Variants in RAB40B observed in about 807,000 individuals in gnomAD.
RAB40B encodes ras-related protein Rab-40B.
A neutral mutation model predicts 24.0 loss-of-function variants in RAB40B; 21 were observed. The ratio of observed to expected loss-of-function variants is 0.88; its 90% CI spans 0.62 to 1.26. RAB40B has a LOEUF of 1.26. RAB40B is among the 50% of genes most tolerant of loss of function. The probability of loss-of-function intolerance (pLI) is 0.00; values close to 1 mark genes in which losing one functional copy is unlikely to be tolerated. For missense variants in RAB40B, 348 were observed against 390.5 expected (o/e 0.89, Z 0.92); for synonymous variants, 167 against 169.8 (o/e 0.98, Z 0.13).
chr17:82,686,553 C>T (rs953338674), intron 1 of RAB40B, among the ~76,000 whole-genome samples: 6 of 152,302 alleles, frequency 3.9e-5, no homozygotes, highest in African/African-American at 1.4e-4. Context: ...TGACGACAGA[C>T]AGCAGGGACT....
At chr17:82,690,233 G>A (rs1284934013) in intron 1 of RAB40B, among the ~76,000 whole-genome samples, 10 of 151,826 alleles carry the variant, frequency 6.6e-5, no homozygotes, top group Admixed American at 5.9e-4. Flanking sequence ...GAGGGAGCAC[G>A]GAGTGTGCAC....
Position 82,664,398 on chromosome 17 carries a change from G to A in RAB40B, c.203+98C>T, listed in dbSNP as rs1360015733. On this transcript the variant is annotated intron_variant, in intron 2 of 5. Transcript: ENST00000571995. ...CGCTGTGCCGATGGTGGTGGGGGAT[G>A]GGTGCTCCCCGGGGCACTGTGCTGA... 14 of 1,199,328 alleles carry A rather than the reference G, an allele frequency of 1.2e-5. No individual in the cohort carries two copies. The South Asian group carries it at 1.8e-4, about 15-fold the overall frequency. The allele number at this position is 1,199,328 out of a possible 1,614,324, so 74.3% of individuals were successfully genotyped here.
chr17:82,691,514 C>T (rs893160401), intron 1 of RAB40B, among the ~76,000 whole-genome samples: 2 of 152,054 alleles, frequency 1.3e-5, no homozygotes, highest in African/African-American at 4.8e-5. Context: ...GGTGAAACCC[C>T]CATCTCTACT....
At chr17:82,679,208 G>T (rs568942430) in intron 1 of RAB40B, among the ~76,000 whole-genome samples, 1 of 151,548 alleles carries the variant, frequency 6.6e-6, no homozygotes, top group Non-Finnish European at 1.5e-5. Context: ...GGAGCAGCTC[G>T]CGCCCACCAG....
chr17:82,655,904 T>A lies in RAB40B; in HGVS notation c.*1959A>T, dbSNP rs1283476217. ...TCCTGTCTGGGCCTCGGTTCCACCA[T>A]CTCTGAATACAGGCTTTGCCCCTGA... On this transcript the variant is annotated 3_prime_UTR_variant, in exon 6 of 6. Coordinates refer to ENST00000571995, the MANE Select transcript of RAB40B (RefSeq NM_006822.3). 4 of 151,698 alleles carry A rather than the reference T, an allele frequency of 2.6e-5. No individual in the cohort carries two copies. The highest frequency in any genetic ancestry group is 5.9e-5 in the Non-Finnish European group (4 of 68,020). 9.4% of individuals were successfully genotyped at this position (151,698 alleles called of 1,614,324 possible). A position where few individuals can be genotyped will look rare whatever the true frequency, so the allele number is the denominator to read the frequency against.
chr17:82,680,561 A>G (rs1015801119), intron 1 of RAB40B, among the ~76,000 whole-genome samples: 7 of 152,204 alleles, frequency 4.6e-5, no homozygotes, highest in African/African-American at 1.7e-4. Context: ...GGTACTAAAT[A>G]TTTACCACTA....
rs550476184 is a variant in RAB40B at position 82,657,263 on chromosome 17, T to A, written c.*600A>T. 15 of 177,854 alleles carry A rather than the reference T, an allele frequency of 8.4e-5. No homozygotes were observed. The highest frequency in any genetic ancestry group is 1.3e-4 in the Non-Finnish European group (11 of 82,460). The allele number at this position is 177,854 out of a possible 1,614,324, so 11.0% of individuals were successfully genotyped here. On this transcript the variant is annotated 3_prime_UTR_variant, in exon 6 of 6. Coordinates refer to ENST00000571995, the MANE Select transcript of RAB40B (RefSeq NM_006822.3). ...TTGTAGAATATCTTGTACAAAAAAC[T>A]GTAGATTTACAGAAAAATATGCATA...
At chr17:82,670,534 A>AT (rs200923067) in intron 1 of RAB40B, among the ~76,000 whole-genome samples, 3,481 of 129,768 alleles carry the variant, frequency 0.027, 118 homozygotes, top group African/African-American at 0.082. Context: ...AGAATTCCTG[A>AT]TTTTTTTTTT....
chr17:82,683,065 T>TC (rs1379754312), intron 1 of RAB40B, among the ~76,000 whole-genome samples: 1 of 152,012 alleles, frequency 6.6e-6, no homozygotes, highest in Admixed American at 6.6e-5. Flanking sequence ...ATTGCTTGAA[T>TC]CCGGGAGATG....
At position 82,677,718 on chromosome 17, in the gene RAB40B, G is replaced by C. The variant is rs552705573; in HGVS notation, c.143-13162C>G. Among the ~76,000 whole-genome samples the C allele has an allele frequency of 2.8e-3, 430 of 152,332 alleles. 5 individuals are homozygous for C. Among genetic ancestry groups the C allele is most frequent in the South Asian group, 0.018 (88 of 4,822 alleles). ...GGCACAGGTGGCCTGGCCCTACACA[G>C]AGCCCGCATCCTCTTTGCGCAGGAC... On this transcript the variant is annotated intron_variant, in intron 1 of 5. Coordinates refer to ENST00000571995, the MANE Select transcript of RAB40B (RefSeq NM_006822.3).
intron 3 of RAB40B, among the ~76,000 whole-genome samples, chr17:82,660,634 CGCACAG>C (rs1294704883): frequency 6.6e-6 from 1 of 151,908 alleles, no homozygotes; most frequent in African/African-American, 2.4e-5. Flanking sequence ...CACACACACA[CGCACAG>C]GCACTCATGC....
chr17:82,670,873 A>G (rs551254672), intron 1 of RAB40B, among the ~76,000 whole-genome samples: 2 of 152,120 alleles, frequency 1.3e-5, no homozygotes, highest in Admixed American at 1.3e-4. Flanking sequence ...TTTCAAAACC[A>G]TCTTTCGTTT....
At position 82,697,680 on chromosome 17, in the gene RAB40B, G is replaced by A. The variant is rs1053987674; in HGVS notation, c.142+775C>T. On this transcript the variant is annotated intron_variant, in intron 1 of 5. Transcript: ENST00000571995. This position sits in a 1 kb window ranked among gnomAD's most constrained non-coding sequence, Gnocchi z 4.9. Reference sequence around the variant, plus strand: ...GCCTCTGCGCGTTCCCCCTTCTCCTGGGTTCCTGCCCCCGCCTTTCTTTCC... The same window carrying A: ...GCCTCTGCGCGTTCCCCCTTCTCCTAGGTTCCTGCCCCCGCCTTTCTTTCC... Among the ~76,000 whole-genome samples, 1 of 152,192 alleles carries A rather than the reference G, an allele frequency of 6.6e-6. No individual in the cohort carries two copies. Among genetic ancestry groups the A allele is most frequent in the Non-Finnish European group, 1.5e-5 (1 of 68,034 alleles).
At chr17:82,671,426 A>ACACT (rs1568036509) in intron 1 of RAB40B, among the ~76,000 whole-genome samples, 1 of 87,912 alleles carries the variant, frequency 1.1e-5, no homozygotes, top group African/African-American at 3.6e-5. Context: ...ACTCTAACAC[A>ACACT]CACACGCTCC....
chr17:82,697,820 C>T lies in RAB40B; in HGVS notation c.142+635G>A, dbSNP rs1298219060. 2.0e-5 allele frequency among the ~76,000 whole-genome samples: 3 copies of T among 152,172 alleles called. No homozygotes were observed. The highest frequency in any genetic ancestry group is 3.9e-4 in the East Asian group (2 of 5,174). On this transcript the variant is annotated intron_variant, in intron 1 of 5. Transcript: ENST00000571995. This position sits in a 1 kb window ranked among gnomAD's most constrained non-coding sequence, Gnocchi z 4.9. ...TCCGGCCTCCCCTCGCCCTGGAACC[C>T]GCTCTCCGGCCGCTGTCGTGGGGGG...
Position 82,693,808 on chromosome 17 carries a change from C to T in RAB40B, c.142+4647G>A, listed in dbSNP as rs182077365. 2.8e-3 allele frequency among the ~76,000 whole-genome samples: 423 copies of T among 152,172 alleles called. 5 individuals are homozygous for T. The highest frequency in any genetic ancestry group is 0.016 in the South Asian group (77 of 4,822). ...GTCACAGAAGTGCACATTGGCCAGG[C>T]GCAGTGGCTCACGCCTGTAATTCCA... On this transcript the variant is annotated intron_variant, in intron 1 of 5. Transcript: ENST00000571995.
At chr17:82,693,127 C>T (rs7210502) in intron 1 of RAB40B, among the ~76,000 whole-genome samples, 4,514 of 152,078 alleles carry the variant, frequency 0.03, 219 homozygotes, top group African/African-American at 0.1. Flanking sequence ...CTCAGTCTCC[C>T]GAGTAGCTGG....
At chr17:82,681,832 A>G (rs2245043) in intron 1 of RAB40B, among the ~76,000 whole-genome samples, 151,589 of 152,206 alleles carry the variant, frequency 1, 75,490 homozygotes, top group Middle Eastern at 1. Flanking sequence ...ACCTTTTCAC[A>G]ACAAAAGCTC....
At chr17:82,664,045 C>T (rs1488802694) in intron 2 of RAB40B, among the ~76,000 whole-genome samples, 18 of 85,880 alleles carry the variant, frequency 2.1e-4, no homozygotes, top group Non-Finnish European at 1.9e-4. Flanking sequence ...AGGGTGTTCC[C>T]GGGGGTGCTG....
Sources: allele counts gnomAD v4.1 joint callset (sites outside exome capture counted in the v4.1 genomes callset), GRCh38; gene constraint gnomAD v4.1.1; non-coding constraint Gnocchi (gnomAD v3.1); transcripts MANE v1.5; gene names NCBI Gene and HGNC (gene_info 2026-07-23, HGNC 2026-07-21).